ADCY9: variants seen among roughly 807,000 people sequenced by gnomAD.
The protein encoded by ADCY9 is adenylate cyclase 9, also known as adenylate cyclase type 9.
Under a neutral mutation model 101.5 loss-of-function variants are expected in ADCY9, and 50 were observed. That is an observed-to-expected ratio of 0.49 (90% CI 0.39 to 0.62). ADCY9 has a LOEUF of 0.62. ADCY9 is among the 20% of genes least tolerant of loss of function. ADCY9 has a pLI of 0.00. For missense variants in ADCY9, 1,662 were observed against 1,800.4 expected (o/e 0.92, Z 1.39); for synonymous variants, 905 against 769.3 (o/e 1.18, Z -2.92).
At chr16:4,071,738 T>A (rs955715972) in intron 2 of ADCY9, among the ~76,000 whole-genome samples, 1 of 152,178 alleles carries the variant, frequency 6.6e-6, no homozygotes, top group African/African-American at 2.4e-5. Flanking sequence ...TTAATTTTCA[T>A]CATGATGCAT....
intron 2 of ADCY9, among the ~76,000 whole-genome samples, chr16:4,081,426 G>A (rs1567140541): frequency 1.3e-5 from 2 of 152,240 alleles, no homozygotes; most frequent in Non-Finnish European, 2.9e-5. Context: ...CTAATGCTTT[G>A]CAGAGCTCCA....
chr16:4,053,492 G>A (rs1367307136), intron 2 of ADCY9, among the ~76,000 whole-genome samples: 2 of 152,168 alleles, frequency 1.3e-5, no homozygotes, highest in Non-Finnish European at 2.9e-5. Flanking sequence ...AGCGCTTCAC[G>A]TGCGAGCCCG....
intron 10 of ADCY9, among the ~76,000 whole-genome samples, chr16:3,967,521 C>G (rs1283622679): frequency 6.6e-6 from 1 of 151,668 alleles, no homozygotes. Flanking sequence ...TCCTAAGTAG[C>G]TGGGATTACA....
chr16:3,998,806 G>A (rs966144643), intron 3 of ADCY9, among the ~76,000 whole-genome samples: 4 of 123,766 alleles, frequency 3.2e-5, no homozygotes, highest in Non-Finnish European at 5.3e-5. Context: ...AAGAAAAAAA[G>A]AGAAATCCAT....
chr16:4,016,447 C>T (rs1262599660), intron 2 of ADCY9, among the ~76,000 whole-genome samples: 4 of 151,950 alleles, frequency 2.6e-5, no homozygotes, highest in Non-Finnish European at 5.9e-5. Flanking sequence ...TAGGTCACGT[C>T]GGCAGAGGGA....
At chr16:4,024,557 C>T (rs990184231) in intron 2 of ADCY9, among the ~76,000 whole-genome samples, 6 of 152,038 alleles carry the variant, frequency 3.9e-5, no homozygotes, top group Middle Eastern at 3.4e-3. Flanking sequence ...CAGGATCCCA[C>T]GCGGCTGGCT....
At chr16:3,988,887 C>T (rs1465617523) in intron 6 of ADCY9, 107 bp downstream of exon 6, 5 of 834,138 alleles carry the variant, frequency 6.0e-6, no homozygotes, top group Admixed American at 3.9e-5. Context: ...AATCAATGTT[C>T]GCCTTCGTGT....
intron 6 of ADCY9, among the ~76,000 whole-genome samples, chr16:3,985,110 TTTC>T (rs1386253020): frequency 2.0e-5 from 3 of 151,554 alleles, no homozygotes; most frequent in Admixed American, 1.3e-4. Context: ...GGTGTGGGAA[TTTC>T]TTTTTTTTCA....
chr16:4,061,031 T>C (rs1387904000), intron 2 of ADCY9, among the ~76,000 whole-genome samples: 3 of 151,902 alleles, frequency 2.0e-5, no homozygotes, highest in Admixed American at 6.6e-5. Context: ...ACAGAAATTA[T>C]AAAAAGAAAC....
chr16:4,025,466 A>G (rs903055410), intron 2 of ADCY9, among the ~76,000 whole-genome samples: 1 of 151,990 alleles, frequency 6.6e-6, no homozygotes, highest in Non-Finnish European at 1.5e-5. Context: ...GCCACTGGCC[A>G]CGCAAAGACT....
intron 3 of ADCY9, among the ~76,000 whole-genome samples, chr16:3,997,305 C>T (rs758235114): frequency 6.1e-4 from 93 of 152,358 alleles, no homozygotes; most frequent in Non-Finnish European, 1.1e-3. Flanking sequence ...AGAGGGCACA[C>T]TGAGGACAGG....
chr16:3,989,114 T>G lies in ADCY9; in HGVS notation c.2208-18A>C. ...TCATCAGGCTAGAAGACACAACAAA[T>G]GCAGTCGATCAATACCCAGCACCAT... On this transcript the variant is annotated intron_variant, in intron 5 of 10. Transcript: ENST00000294016. 1 of 1,567,930 alleles carries G rather than the reference T, an allele frequency of 6.4e-7. No individual in the cohort carries two copies. The highest frequency in any genetic ancestry group is 8.8e-7 in the Non-Finnish European group (1 of 1,138,170).
intron 10 of ADCY9, among the ~76,000 whole-genome samples, chr16:3,969,602 ATATATATGTATT>A (rs1240506312): frequency 1.5e-5 from 1 of 64,928 alleles, no homozygotes; most frequent in African/African-American, 8.4e-5. Context: ...ATATATATAT[ATATATATGTATT>A]TTTTTTTTTT....
In ADCY9 at chr16:4,063,698, C is replaced by T. The variant is rs914032768; in HGVS notation, c.1693+50052G>A. On this transcript the variant is annotated intron_variant, in intron 2 of 10. Coordinates refer to ENST00000294016, the MANE Select transcript of ADCY9 (RefSeq NM_001116.4). Reference sequence around the variant, plus strand: ...CTGCACTCCAGCCTGGGCCACGGGGCGAGATCATGTCTCAAAAAAAAAAAA... The same window carrying T: ...CTGCACTCCAGCCTGGGCCACGGGGTGAGATCATGTCTCAAAAAAAAAAAA... Among the ~76,000 whole-genome samples the T allele has an allele frequency of 5.4e-5, 8 of 148,434 alleles. No individual in the cohort carries two copies. In the South Asian group the frequency reaches 6.3e-4, roughly 12 times the overall value.
chr16:3,991,312 GA>G (rs1240718719), intron 5 of ADCY9, among the ~76,000 whole-genome samples: 3 of 152,162 alleles, frequency 2.0e-5, no homozygotes, highest in Non-Finnish European at 1.5e-5. Context: ...TATCACTAAT[GA>G]GGAACAGACG....
At chr16:4,095,976 C>CAAAAAAAAA (rs56897380) in intron 2 of ADCY9, among the ~76,000 whole-genome samples, 2 of 115,484 alleles carry the variant, frequency 1.7e-5, no homozygotes. Flanking sequence ...GACTCTATCT[C>CAAAAAAAAA]AAAAAAAAAA....
At chr16:3,983,137 G>A in intron 7 of ADCY9, 95 bp downstream of exon 7, 3 of 1,188,860 alleles carry the variant, frequency 2.5e-6, no homozygotes, top group Non-Finnish European at 3.5e-6. Flanking sequence ...GGGACAGCTG[G>A]CTGGGGACCA....
At chr16:4,088,451 C>T (rs927451059) in intron 2 of ADCY9, among the ~76,000 whole-genome samples, 1 of 151,970 alleles carries the variant, frequency 6.6e-6, no homozygotes, top group African/African-American at 2.4e-5. Flanking sequence ...GCCACCATTC[C>T]CATCTAGTTT....
At chr16:3,994,835 G>T (rs1279550228) in intron 3 of ADCY9, among the ~76,000 whole-genome samples, 1 of 152,180 alleles carries the variant, frequency 6.6e-6, no homozygotes. Context: ...CACCAACTAT[G>T]CGAGGACACA....
Sources: allele counts gnomAD v4.1 joint callset (sites outside exome capture counted in the v4.1 genomes callset), GRCh38; gene constraint gnomAD v4.1.1; transcripts MANE v1.5; gene names NCBI Gene and HGNC (gene_info 2026-07-23, HGNC 2026-07-21).